IL1RL2: variants seen among roughly 807,000 people sequenced by gnomAD.
IL1RL2 encodes the protein interleukin 1 receptor like 2.
Under a neutral mutation model 66.8 loss-of-function variants are expected in IL1RL2, and 68 were observed. The observed-to-expected ratio is 1.02, with a 90% CI of 0.84 to 1.25. The LOEUF is 1.25. IL1RL2 is among the 50% of genes most tolerant of loss of function. IL1RL2 has a pLI of 0.00. For synonymous variants in IL1RL2, 305 were observed against 264.6 expected (o/e 1.15, Z -1.48); for missense variants, 729 against 709.3 (o/e 1.03, Z -0.32).
chr2:102,242,739 A>T (rs1290435385), downstream of IL1RL2, among the ~76,000 whole-genome samples: 2 of 152,212 alleles, frequency 1.3e-5, no homozygotes, highest in African/African-American at 2.4e-5. Flanking sequence ...ACACCCTTAC[A>T]GACACGTCCA....
At chr2:102,229,791 T>G (rs1054789374) in intron 9 of IL1RL2, among the ~76,000 whole-genome samples, 8 of 152,254 alleles carry the variant, frequency 5.3e-5, no homozygotes, top group Non-Finnish European at 1.2e-4. Flanking sequence ...TGGGCACATT[T>G]GTACATTTTG....
At chr2:102,237,283 A>C (rs1406613309) in intron 11 of IL1RL2, among the ~76,000 whole-genome samples, 2 of 152,232 alleles carry the variant, frequency 1.3e-5, no homozygotes, top group African/African-American at 4.8e-5. Context: ...ACCACGAGCC[A>C]GTGACCACTC....
At chr2:102,206,254 T>A (rs1688690904) in intron 5 of IL1RL2, among the ~76,000 whole-genome samples, 1 of 152,184 alleles carries the variant, frequency 6.6e-6, no homozygotes, top group Non-Finnish European at 1.5e-5. Flanking sequence ...TGGTGCCTTA[T>A]TTAATTCATT....
At chr2:102,242,498 C>A (rs1675253511), downstream of IL1RL2, among the ~76,000 whole-genome samples, 1 of 152,174 alleles carries the variant, frequency 6.6e-6, no homozygotes, top group African/African-American at 2.4e-5. Context: ...GTCCAACACC[C>A]TGAGAACCAG....
In IL1RL2 at chr2:102,239,931, C is replaced by T. The variant is rs1675179593; in HGVS notation, c.*690C>T. 6.6e-6 allele frequency: 1 copy of T among 152,234 alleles called. No homozygotes were observed. Among genetic ancestry groups the T allele is most frequent in the African/African-American group, 2.4e-5 (1 of 41,458 alleles). The allele number at this position is 152,234 out of a possible 1,614,324, so 9.4% of individuals were successfully genotyped here. A position where few individuals can be genotyped will look rare whatever the true frequency, so the allele number is the denominator to read the frequency against. ...CTTTTCTCTGTTTTTCCACAATGAA[C>T]AATTAAACTGTAAATGTTAAAAATA... On this transcript the variant is annotated 3_prime_UTR_variant, in exon 12 of 12. Transcript: ENST00000264257.
At chr2:102,218,601 T>C (rs1243049520) in intron 6 of IL1RL2, among the ~76,000 whole-genome samples, 1 of 152,216 alleles carries the variant, frequency 6.6e-6, no homozygotes, top group Non-Finnish European at 1.5e-5. Flanking sequence ...TTTCCTGCCT[T>C]GTAAGATTGT....
chr2:102,233,804 C>T (rs1470856723), intron 10 of IL1RL2, among the ~76,000 whole-genome samples: 1 of 152,130 alleles, frequency 6.6e-6, no homozygotes, highest in Non-Finnish European at 1.5e-5. Flanking sequence ...GCTTTCCTGT[C>T]CCTTTGTTCT....
chr2:102,191,068 T>C (rs893115337), intron 3 of IL1RL2, among the ~76,000 whole-genome samples: 2 of 152,308 alleles, frequency 1.3e-5, no homozygotes, highest in South Asian at 2.1e-4. Context: ...TTTTTAAGAA[T>C]ATATTTTTAC....
At chr2:102,187,544 C>A (rs1043584453) in intron 1 of IL1RL2, among the ~76,000 whole-genome samples, 10 of 152,174 alleles carry the variant, frequency 6.6e-5, no homozygotes, top group Admixed American at 6.5e-4. Context: ...TGGACACCAG[C>A]CTGCTTCGCT....
At chr2:102,204,955 G>T (rs1688583417) in intron 5 of IL1RL2, among the ~76,000 whole-genome samples, 1 of 151,526 alleles carries the variant, frequency 6.6e-6, no homozygotes, top group African/African-American at 2.4e-5. Context: ...TCTTCTTTTA[G>T]TGAAGGTGAT....
intron 8 of IL1RL2, among the ~76,000 whole-genome samples, chr2:102,222,922 T>C (rs995515): frequency 0.26 from 40,086 of 152,078 alleles, 6,305 homozygotes; most frequent in East Asian, 0.39. Context: ...TACTGAATAA[T>C]ATAGACTGAA....
intron 9 of IL1RL2, among the ~76,000 whole-genome samples, chr2:102,228,757 A>G (rs1028768265): frequency 6.6e-6 from 1 of 152,236 alleles, no homozygotes; most frequent in African/African-American, 2.4e-5. Flanking sequence ...TTAAAGGTGA[A>G]TTTGCTTTTC....
chr2:102,201,359 A>T (rs1034746594), intron 4 of IL1RL2, among the ~76,000 whole-genome samples, 197 bp from the exon 5 acceptor site: 1 of 152,166 alleles, frequency 6.6e-6, no homozygotes, highest in African/African-American at 2.4e-5. Context: ...ATATATACAC[A>T]TTATATACAG....
At chr2:102,204,294 C>T (rs1688517419) in intron 5 of IL1RL2, among the ~76,000 whole-genome samples, 1 of 152,046 alleles carries the variant, frequency 6.6e-6, no homozygotes, top group Non-Finnish European at 1.5e-5. Flanking sequence ...TGTTTTGTGA[C>T]CTAACAGATG....
chr2:102,215,847 T>A (rs141625248), intron 6 of IL1RL2, among the ~76,000 whole-genome samples: 1 of 152,194 alleles, frequency 6.6e-6, no homozygotes, highest in Admixed American at 6.5e-5. Context: ...CCAACTGACA[T>A]GCTAGGATGC....
intron 6 of IL1RL2, among the ~76,000 whole-genome samples, chr2:102,214,885 C>A (rs1164720812): frequency 6.6e-6 from 1 of 152,150 alleles, no homozygotes; most frequent in Non-Finnish European, 1.5e-5. Context: ...TAAATAGCTA[C>A]ATTTTGACTA....
Position 102,239,185 on chromosome 2 carries a change from A to T in IL1RL2, c.1679-7A>T, listed in dbSNP as rs764599235. Reference sequence around the variant, plus strand: ...AAAAGGAGTAAATAGATCTTTCCTGATTTCAGGCCCAGAACTAGGCTCAAG... The same window carrying T: ...AAAAGGAGTAAATAGATCTTTCCTGTTTTCAGGCCCAGAACTAGGCTCAAG... On this transcript the variant is annotated splice_polypyrimidine_tract_variant and splice_region_variant and intron_variant, in intron 11 of 11. Coordinates refer to ENST00000264257, the MANE Select transcript of IL1RL2 (RefSeq NM_003854.4). 6.2e-7 allele frequency: 1 copy of T among 1,613,834 alleles called. No individual in the cohort carries two copies. Among genetic ancestry groups the T allele is most frequent in the South Asian group, 1.1e-5 (1 of 91,074 alleles).
chr2:102,188,566 C>T (rs1406595183), intron 2 of IL1RL2, among the ~76,000 whole-genome samples: 3 of 119,760 alleles, frequency 2.5e-5, no homozygotes, highest in Non-Finnish European at 4.8e-5. Context: ...CCAGCCTGGG[C>T]GACAGAGAGA....
intron 9 of IL1RL2, among the ~76,000 whole-genome samples, chr2:102,229,338 C>T (rs911429381): frequency 6.6e-6 from 1 of 152,166 alleles, no homozygotes; most frequent in Non-Finnish European, 1.5e-5. Context: ...TTGGAAAATT[C>T]AGACTGACAC....
Sources: gnomAD v4.1 joint callset for allele counts (sites outside exome capture counted in the v4.1 genomes callset) on GRCh38, gnomAD v4.1.1 for gene constraint, MANE v1.5 for transcripts, NCBI Gene and HGNC (gene_info 2026-07-23, HGNC 2026-07-21) for gene names.